The following MORC1 variants were observed in gnomAD, a reference collection of about 807,000 sequenced individuals.
MORC1 encodes the protein MORC family CW-type zinc finger 1.
MORC1 carries 59 observed loss-of-function variants against 134.9 expected under a neutral mutation model. The ratio of observed to expected loss-of-function variants is 0.44; its 90% CI spans 0.35 to 0.54. MORC1 has a LOEUF of 0.54. Ranked by LOEUF, MORC1 falls within the 20% of genes least tolerant of loss-of-function variation. The pLI, the probability that MORC1 is intolerant of heterozygous loss-of-function variation, is 0.00. For missense variants in MORC1, 947 were observed against 1,134.5 expected (o/e 0.83, Z 2.37); for synonymous variants, 395 against 391.7 (o/e 1.01, Z -0.10).
intron 17 of MORC1, among the ~76,000 whole-genome samples, chr3:109,025,427 C>T (rs1199867088): frequency 7.0e-6 from 1 of 143,018 alleles, no homozygotes; most frequent in East Asian, 2.0e-4. Context: ...TCATCTTTCC[C>T]CCAGGCTGGA....
rs1335115543 is a variant in MORC1, at chr3:109,110,608, C to A, written c.154+141G>T. On this transcript the variant is annotated intron_variant, in intron 3 of 27. Coordinates refer to ENST00000232603, the MANE Select transcript of MORC1 (RefSeq NM_014429.4). ...ATACTCTCCTCACCCTGGCTCCCCA[C>A]AGGGTCACTGTACCCACAAAGCACT... is the stretch of plus-strand genomic sequence containing the variant. 8 of 685,408 alleles carry A rather than the reference C, an allele frequency of 1.2e-5. No homozygotes were observed. The East Asian group carries it at 2.5e-4, about 21-fold the overall frequency. 42.5% of individuals were successfully genotyped at this position (685,408 alleles called of 1,614,324 possible). A position where few individuals can be genotyped will look rare whatever the true frequency, so the allele number is the denominator to read the frequency against.
chr3:109,062,572 C>G (rs531122661), intron 10 of MORC1, among the ~76,000 whole-genome samples: 1 of 151,862 alleles, frequency 6.6e-6, no homozygotes, highest in Non-Finnish European at 1.5e-5. Flanking sequence ...AGGCGCCCAC[C>G]ACCACACCCG....
intron 23 of MORC1, among the ~76,000 whole-genome samples, chr3:108,981,321 C>T (rs757928525): frequency 1.6e-4 from 25 of 151,974 alleles, no homozygotes; most frequent in African/African-American, 2.9e-4. Context: ...TTATATCAAA[C>T]GGAATGTGCT....
intron 17 of MORC1, among the ~76,000 whole-genome samples, chr3:109,020,961 T>C (rs2107579942): frequency 6.6e-6 from 1 of 152,142 alleles, no homozygotes; most frequent in Non-Finnish European, 1.5e-5. Context: ...GAATTCAAAA[T>C]GTAAAGTTAG....
At chr3:109,038,622 T>C (rs556605764) in intron 14 of MORC1, among the ~76,000 whole-genome samples, 222 of 152,332 alleles carry the variant, frequency 1.5e-3, no homozygotes, top group African/African-American at 5.3e-3. Context: ...GTAAAGGGTG[T>C]AAGGAAGGGA....
At chr3:109,068,367 TC>T (rs1559933534) in intron 9 of MORC1, among the ~76,000 whole-genome samples, 1 of 152,112 alleles carries the variant, frequency 6.6e-6, no homozygotes, top group Admixed American at 6.6e-5. Context: ...CTCCCACTCT[TC>T]CCCCTCAAGT....
At chr3:108,986,505 G>A (rs892990321) in intron 22 of MORC1, among the ~76,000 whole-genome samples, 9 of 151,970 alleles carry the variant, frequency 5.9e-5, no homozygotes, top group African/African-American at 9.7e-5. Context: ...ACTAAAAGAT[G>A]AAAAAACGGG....
chr3:108,969,773 C>T (rs770730166), intron 25 of MORC1, 51 bp from the exon 26 acceptor site: 1 of 1,539,078 alleles, frequency 6.5e-7, no homozygotes, highest in South Asian at 1.1e-5. Flanking sequence ...AGAGAATGTG[C>T]TGTCTACAGC....
At chr3:109,061,923 T>C in intron 11 of MORC1, 65 bp downstream of exon 11, 3 of 1,393,250 alleles carry the variant, frequency 2.2e-6, no homozygotes, top group Non-Finnish European at 3.1e-6. Flanking sequence ...GAGACAACTA[T>C]GCACAGGAAA....
intron 21 of MORC1, among the ~76,000 whole-genome samples, chr3:108,987,151 TC>T (rs1215783748): frequency 6.6e-6 from 1 of 152,224 alleles, no homozygotes; most frequent in East Asian, 1.9e-4. Flanking sequence ...GATTGCATTA[TC>T]ATAGTCATGT....
At chr3:108,996,542 T>C (rs547458375) in intron 21 of MORC1, among the ~76,000 whole-genome samples, 1 of 152,338 alleles carries the variant, frequency 6.6e-6, no homozygotes, top group African/African-American at 2.4e-5. Flanking sequence ...CCTCATTATT[T>C]TCCTGGCAGT....
intron 8 of MORC1, among the ~76,000 whole-genome samples, chr3:109,071,139 T>C (rs184198935): frequency 9.9e-5 from 15 of 152,282 alleles, no homozygotes; most frequent in African/African-American, 3.6e-4. Context: ...TTGGGATGCT[T>C]GCCATTGTTT....
At chr3:108,964,012 T>C (rs1947151875) in intron 26 of MORC1, among the ~76,000 whole-genome samples, 1 of 152,220 alleles carries the variant, frequency 6.6e-6, no homozygotes, top group African/African-American at 2.4e-5. Flanking sequence ...AATGACAGAA[T>C]GGCCCACCAC....
At chr3:108,978,071 G>T (rs1308002809) in intron 24 of MORC1, among the ~76,000 whole-genome samples, 1 of 152,084 alleles carries the variant, frequency 6.6e-6, no homozygotes, top group African/African-American at 2.4e-5. Flanking sequence ...TAGAGATGGG[G>T]TTTCACCGTG....
At chr3:109,048,333 A>G (rs1377651180) in intron 14 of MORC1, among the ~76,000 whole-genome samples, 1 of 152,172 alleles carries the variant, frequency 6.6e-6, no homozygotes, top group Non-Finnish European at 1.5e-5. Flanking sequence ...GTGGTTTTTA[A>G]ACAGTACTTA....
At chr3:109,030,855 A>G (rs1192938849) in intron 16 of MORC1, among the ~76,000 whole-genome samples, 3 of 152,222 alleles carry the variant, frequency 2.0e-5, no homozygotes, top group African/African-American at 7.2e-5. Flanking sequence ...ATTCTAACAC[A>G]AAGAAATGAT....
intron 20 of MORC1, among the ~76,000 whole-genome samples, chr3:109,004,304 T>C (rs1948486078): frequency 6.6e-6 from 1 of 152,156 alleles, no homozygotes; most frequent in South Asian, 2.1e-4. Flanking sequence ...CGAATTTAAT[T>C]TGTGGAAATA....
intron 15 of MORC1, among the ~76,000 whole-genome samples, chr3:109,033,473 C>T (rs1011283800): frequency 5.3e-5 from 8 of 152,108 alleles, no homozygotes; most frequent in African/African-American, 7.2e-5. Flanking sequence ...GCCTTTAGGA[C>T]GAAGGCACAC....
intron 24 of MORC1, among the ~76,000 whole-genome samples, chr3:108,973,892 G>A (rs544433177): frequency 1.8e-4 from 27 of 152,112 alleles, no homozygotes; most frequent in East Asian, 3.9e-4. Context: ...CACCGCACCC[G>A]GCCAATCCAA....
Sources: allele counts gnomAD v4.1 joint callset (sites outside exome capture counted in the v4.1 genomes callset), GRCh38; gene constraint gnomAD v4.1.1; transcripts MANE v1.5; gene names NCBI Gene and HGNC (gene_info 2026-07-23, HGNC 2026-07-21).